PARD3B: variants seen among roughly 807,000 people sequenced by gnomAD.
PARD3B encodes partitioning defective 3 homolog B.
Under a neutral mutation model 130.2 loss-of-function variants are expected in PARD3B, and 103 were observed. That is an observed-to-expected ratio of 0.79 (90% CI 0.67 to 0.93). The LOEUF is 0.93. Among genes scored for constraint, PARD3B ranks in the 40% least tolerant of loss-of-function variants. PARD3B has a pLI of 0.00. For missense variants in PARD3B, 1,609 were observed against 1,499.2 expected (o/e 1.07, Z -1.21); for synonymous variants, 583 against 553.2 (o/e 1.05, Z -0.76).
chr2:204,723,146 C>T (rs558048390), intron 2 of PARD3B, among the ~76,000 whole-genome samples: 78 of 152,240 alleles, frequency 5.1e-4, no homozygotes, highest in African/African-American at 1.8e-3. Context: ...TCCATCTTTT[C>T]ATGCCAACAC....
rs1018199987 is a variant in PARD3B at position 205,280,958 on chromosome 2, C to G, written c.2186-19572C>G. On this transcript the variant is annotated intron_variant, in intron 16 of 22. Coordinates refer to ENST00000406610, the MANE Select transcript of PARD3B (RefSeq NM_001302769.2). The surrounding 1 kb of genome is among the most constrained non-coding windows in gnomAD (Gnocchi z 4.7). ...AGCAGCCGTTTAACCTGACCTCTTC[C>G]AGATCCAGTATTTTAAAAGCCATAA... Among the ~76,000 whole-genome samples the G allele has an allele frequency of 6.6e-6, 1 of 152,170 alleles. No individual in the cohort carries two copies. Among genetic ancestry groups the G allele is most frequent in the Admixed American group, 6.5e-5 (1 of 15,276 alleles).
At chr2:204,809,561 C>T (rs750609075) in intron 2 of PARD3B, among the ~76,000 whole-genome samples, 1 of 151,824 alleles carries the variant, frequency 6.6e-6, no homozygotes, top group Non-Finnish European at 1.5e-5. Flanking sequence ...AGATGTGTGG[C>T]CTTATTTCTG....
intron 16 of PARD3B, among the ~76,000 whole-genome samples, chr2:205,273,055 A>G (rs2040794080): frequency 6.6e-6 from 1 of 152,226 alleles, no homozygotes; most frequent in African/African-American, 2.4e-5. Context: ...TACCTGAAGT[A>G]ATTGGAAATA....
intron 1 of PARD3B, among the ~76,000 whole-genome samples, chr2:204,665,732 A>G (rs931862975): frequency 6.6e-6 from 1 of 152,218 alleles, no homozygotes; most frequent in African/African-American, 2.4e-5. Context: ...TTTTATAAGT[A>G]TTCTCACAAG....
intron 11 of PARD3B, among the ~76,000 whole-genome samples, chr2:205,166,522 TTTTTG>T (rs1300974753): frequency 2.0e-5 from 3 of 152,200 alleles, no homozygotes; most frequent in African/African-American, 7.2e-5. Context: ...TGTAGTAGCT[TTTTTG>T]TTTTAACAAC....
chr2:204,958,585 G>C (rs1227900710), intron 2 of PARD3B, among the ~76,000 whole-genome samples: 3 of 152,196 alleles, frequency 2.0e-5, no homozygotes, highest in African/African-American at 7.2e-5. Flanking sequence ...AAACAACAAA[G>C]TGAAAGCAAA....
At chr2:204,958,461 T>C (rs1690462975) in intron 2 of PARD3B, among the ~76,000 whole-genome samples, 1 of 152,314 alleles carries the variant, frequency 6.6e-6, no homozygotes, top group East Asian at 1.9e-4. Flanking sequence ...GGTTGTGTGT[T>C]CTTGTATGAT....
At chr2:205,456,270 A>G (rs544994633) in intron 20 of PARD3B, among the ~76,000 whole-genome samples, 2 of 152,112 alleles carry the variant, frequency 1.3e-5, no homozygotes, top group Admixed American at 1.3e-4. Context: ...CTGTTCCTGG[A>G]TATTTTGGTT....
intron 4 of PARD3B, 127 bp from the exon 5 acceptor site, chr2:205,104,299 A>C (rs2289024): frequency 0.59 from 371,193 of 631,202 alleles, 111,482 homozygotes; most frequent in South Asian, 0.68. Flanking sequence ...TCCAGTTTTC[A>C]AAGAAATTAG....
At chr2:205,339,423 G>T (rs943865974) in intron 18 of PARD3B, among the ~76,000 whole-genome samples, 1 of 152,124 alleles carries the variant, frequency 6.6e-6, no homozygotes, top group African/African-American at 2.4e-5. Context: ...GCCTTCAGTG[G>T]TTTACTTCTA....
chr2:204,923,247 G>C (rs1476973235), intron 2 of PARD3B, among the ~76,000 whole-genome samples: 1 of 151,894 alleles, frequency 6.6e-6, no homozygotes, highest in African/African-American at 2.4e-5. Context: ...TCAACCAAAG[G>C]TTAAAGGTAA....
chr2:205,068,946 T>C (rs1211386830), intron 4 of PARD3B, among the ~76,000 whole-genome samples: 1 of 152,164 alleles, frequency 6.6e-6, no homozygotes, highest in East Asian at 1.9e-4. Flanking sequence ...TTAACTTTTG[T>C]AAACATTCAA....
chr2:205,454,016 C>G (rs1391969858), intron 20 of PARD3B, among the ~76,000 whole-genome samples: 1 of 152,096 alleles, frequency 6.6e-6, no homozygotes, highest in Non-Finnish European at 1.5e-5. Context: ...CATTCATTAA[C>G]TGATTCATTC....
intron 22 of PARD3B, among the ~76,000 whole-genome samples, chr2:205,583,007 C>T (rs1559240477): frequency 6.6e-6 from 1 of 151,950 alleles, no homozygotes; most frequent in Non-Finnish European, 1.5e-5. Context: ...AAATATATAA[C>T]CTAATTGTAT....
intron 1 of PARD3B, among the ~76,000 whole-genome samples, chr2:204,619,376 C>T (rs2034218548): frequency 6.6e-6 from 1 of 152,182 alleles, no homozygotes; most frequent in African/African-American, 2.4e-5. Flanking sequence ...TTTCCCAGTT[C>T]ACTCATTTCT....
chr2:204,762,573 T>G (rs1042593842), intron 2 of PARD3B, among the ~76,000 whole-genome samples: 1 of 151,524 alleles, frequency 6.6e-6, no homozygotes, highest in African/African-American at 2.4e-5. Flanking sequence ...AGGTGTACAT[T>G]GATTTTTTAA....
chr2:205,440,715 T>A lies in PARD3B; in HGVS notation c.3044+43T>A. 6.4e-7 allele frequency: 1 copy of A among 1,552,236 alleles called. No individual in the cohort carries two copies. The highest frequency in any genetic ancestry group is 8.9e-7 in the Non-Finnish European group (1 of 1,129,708). ...AGATAAATGTAGCTTTAATTCAGTA[T>A]GTTTCAAATCATCTCTACTGCTGAA... is the stretch of plus-strand genomic sequence containing the variant. On this transcript the variant is annotated intron_variant, in intron 20 of 22. Coordinates refer to ENST00000406610, the MANE Select transcript of PARD3B (RefSeq NM_001302769.2). The surrounding 1 kb of genome is among the most constrained non-coding windows in gnomAD (Gnocchi z 4.2).
In PARD3B at chr2:205,458,730, T is replaced by C. The variant is rs2048353749; in HGVS notation, c.3044+18058T>C. The stretch of plus-strand genomic sequence containing the variant: ...CATATTGTTTGATTTTCTTCTTCAC[T>C]TTAGTCATTTGGTCTTATCTCCTGG... On this transcript the variant is annotated intron_variant, in intron 20 of 22. Coordinates refer to ENST00000406610, the MANE Select transcript of PARD3B (RefSeq NM_001302769.2). The surrounding 1 kb of genome is among the most constrained non-coding windows in gnomAD (Gnocchi z 4.8). 1.3e-5 allele frequency among the ~76,000 whole-genome samples: 2 copies of C among 152,224 alleles called. No individual in the cohort carries two copies. The highest frequency in any genetic ancestry group is 6.5e-5 in the Admixed American group (1 of 15,276).
At chr2:205,500,668 T>C (rs919227338) in intron 21 of PARD3B, among the ~76,000 whole-genome samples, 9 of 152,220 alleles carry the variant, frequency 5.9e-5, no homozygotes, top group African/African-American at 2.2e-4. Flanking sequence ...CAAGATGTAC[T>C]TAACTCTTCA....
Sources: gnomAD v4.1 joint callset for allele counts (sites outside exome capture counted in the v4.1 genomes callset) on GRCh38, gnomAD v4.1.1 for gene constraint, Gnocchi (gnomAD v3.1) non-coding constraint, MANE v1.5 for transcripts, NCBI Gene and HGNC (gene_info 2026-07-23, HGNC 2026-07-21) for gene names.